EXOC1L: variants seen among roughly 807,000 people sequenced by gnomAD.
EXOC1L encodes exocyst complex component 1-like.
Under a neutral mutation model 4.9 loss-of-function variants are expected in EXOC1L, and 10 were observed. The ratio of observed to expected loss-of-function variants is 2.02; its 90% CI spans 1.25 to 3.43. The LOEUF is 3.43. Among genes scored for constraint, EXOC1L ranks in the 30% most tolerant of loss-of-function variants. The pLI is 0.00. For synonymous variants in EXOC1L, 41 were observed against 20.8 expected (o/e 1.97, Z -2.63); for missense variants, 114 against 59.4 (o/e 1.92, Z -3.02).
chr4:55,823,777 C>T (rs1459568578), intron 1 of EXOC1L, among the ~76,000 whole-genome samples: 1 of 151,886 alleles, frequency 6.6e-6, no homozygotes, highest in Non-Finnish European at 1.5e-5. Flanking sequence ...GTCACGATTT[C>T]GGCTCACTGC....
intron 1 of EXOC1L, among the ~76,000 whole-genome samples, chr4:55,820,388 A>T (rs1719709597): frequency 6.6e-6 from 1 of 152,188 alleles, no homozygotes; most frequent in South Asian, 2.1e-4. Context: ...AATGAAACTG[A>T]TGTGTCCTTC....
chr4:55,824,271 TCTCACACACA>T (rs1212757226), intron 1 of EXOC1L, among the ~76,000 whole-genome samples: 5 of 144,600 alleles, frequency 3.5e-5, no homozygotes, highest in Admixed American at 2.1e-4. Context: ...TCTCTCTCTC[TCTCACACACA>T]CACACACACA....
intron 2 of EXOC1L, among the ~76,000 whole-genome samples, chr4:55,834,477 C>G (rs1481910778): frequency 6.6e-6 from 1 of 151,908 alleles, no homozygotes; most frequent in Non-Finnish European, 1.5e-5. Context: ...GAGAAAGAGA[C>G]AGGCAGATTT....
chr4:55,820,064 T>C lies in EXOC1L; in HGVS notation c.38T>C (p.Leu13Pro), dbSNP rs1267156265. The C allele has an allele frequency of 1.0e-5, 4 of 398,976 alleles. No homozygotes were observed. The highest frequency in any genetic ancestry group is 1.8e-5 in the Non-Finnish European group (4 of 226,120). 24.7% of individuals were successfully genotyped at this position (398,976 alleles called of 1,614,324 possible). A position where few individuals can be genotyped will look rare whatever the true frequency, so the allele number is the denominator to read the frequency against. Reference sequence around the variant, plus strand: ...GTAAAGGAGGACTTGGAGAAGAAACTGTTTAAGCCACTCTCGCAGAATCTG... The same window carrying C: ...GTAAAGGAGGACTTGGAGAAGAAACCGTTTAAGCCACTCTCGCAGAATCTG... ...SLVKEDLEKK[L>P]FKPLSQNLYE... The change falls in exon 1 of 3, where the codon CTG (leucine) becomes CCG (proline). Residue 13 changes from leucine (L) to proline (P), a missense_variant. Transcript: ENST00000636125.
chr4:55,831,686 C>T (rs1452966123), intron 2 of EXOC1L, among the ~76,000 whole-genome samples: 1 of 152,010 alleles, frequency 6.6e-6, no homozygotes, highest in Admixed American at 6.6e-5. Flanking sequence ...AAGCACCTTT[C>T]CCAAGGGCCA....
intron 1 of EXOC1L, among the ~76,000 whole-genome samples, chr4:55,821,393 A>C (rs950879493): frequency 6.6e-6 from 1 of 152,138 alleles, no homozygotes; most frequent in Admixed American, 6.6e-5. Context: ...CTAGCCATCA[A>C]ATCACTGTGT....
intron 1 of EXOC1L, among the ~76,000 whole-genome samples, chr4:55,824,490 G>T (rs1237183299): frequency 6.6e-6 from 1 of 152,076 alleles, no homozygotes; most frequent in Non-Finnish European, 1.5e-5. Flanking sequence ...AGCCTCCTGA[G>T]TAGCTGGGAC....
Position 55,819,862 on chromosome 4 carries a change from C to G in EXOC1L, c.-165C>G, listed in dbSNP as rs1719694734. 1 of 376,926 alleles carries G rather than the reference C, an allele frequency of 2.7e-6. No homozygotes were observed. Among genetic ancestry groups the G allele is most frequent in the Non-Finnish European group, 4.7e-6 (1 of 213,130 alleles). The allele number at this position is 376,926 out of a possible 1,614,324, so 23.3% of individuals were successfully genotyped here. A position where few individuals can be genotyped will look rare whatever the true frequency, so the allele number is the denominator to read the frequency against. Reference sequence around the variant, plus strand: ...GGGGTCTGACCGCGCTGAGTGCTCTCGGGAATCTGGGCTCTGGCTAGGAAT... The same window carrying G: ...GGGGTCTGACCGCGCTGAGTGCTCTGGGGAATCTGGGCTCTGGCTAGGAAT... On this transcript the variant is annotated 5_prime_UTR_variant, in exon 1 of 3. Coordinates refer to ENST00000636125, the MANE Select transcript of EXOC1L (RefSeq NM_001351574.3).
chr4:55,833,040 T>C (rs1363300447), intron 2 of EXOC1L, among the ~76,000 whole-genome samples: 1 of 152,048 alleles, frequency 6.6e-6, no homozygotes, highest in Non-Finnish European at 1.5e-5. Context: ...AAAGTTGGTG[T>C]GTTTGACATG....
Position 55,837,337 on chromosome 4 carries a change from C to A in EXOC1L, c.505C>A (p.Pro169Thr). ...AFNLVCLSLC[P>T]LPL ...CAATCTTGTGTGCTTGTCCCTATGTCCCTTGCCACTCTGAAGCTGTGTACC... is the reference window on the plus strand; with the variant it reads ...CAATCTTGTGTGCTTGTCCCTATGTACCTTGCCACTCTGAAGCTGTGTACC... The change falls in exon 3 of 3, where the codon CCC becomes ACC. Residue 169 changes from proline (P) to threonine (T), a missense_variant. Physicochemically the swap from Pro to Thr is conservative, Grantham distance 38 (BLOSUM62 -1). Coordinates refer to ENST00000636125, the MANE Select transcript of EXOC1L (RefSeq NM_001351574.3). 1.6e-6 allele frequency: 1 copy of A among 607,150 alleles called. No homozygotes were observed. Among genetic ancestry groups the A allele is most frequent in the East Asian group, 2.8e-5 (1 of 35,260 alleles). 37.6% of individuals were successfully genotyped at this position (607,150 alleles called of 1,614,324 possible).
rs1240880994 is a variant in EXOC1L, at chr4:55,820,336, GA to G, written c.121+196del. On this transcript the variant is annotated intron_variant, in intron 1 of 2. Coordinates refer to ENST00000636125, the MANE Select transcript of EXOC1L (RefSeq NM_001351574.3). ...ATTTTTTAGAGTGTTAAAAATGAAA[GA>G]AAAAAACATTGTATTAGAATACTTT... Among the ~76,000 whole-genome samples the G allele has an allele frequency of 2.6e-5, 4 of 151,844 alleles. No individual in the cohort carries two copies. The East Asian group carries it at 7.7e-4, about 29-fold the overall frequency.
intron 1 of EXOC1L, among the ~76,000 whole-genome samples, chr4:55,828,881 C>T (rs1261875936): frequency 1.3e-5 from 2 of 150,670 alleles, no homozygotes; most frequent in Non-Finnish European, 2.9e-5. Context: ...AAACAAATGA[C>T]GACAACAAAA....
intron 2 of EXOC1L, among the ~76,000 whole-genome samples, chr4:55,835,227 A>G (rs1001728933): frequency 2.7e-5 from 4 of 150,716 alleles, no homozygotes; most frequent in African/African-American, 7.3e-5. Context: ...TATGTTATAT[A>G]TATTATTATT....
intron 2 of EXOC1L, among the ~76,000 whole-genome samples, chr4:55,835,470 C>G: frequency 6.6e-6 from 1 of 151,988 alleles, no homozygotes; most frequent in Non-Finnish European, 1.5e-5. Flanking sequence ...TACATTCCCA[C>G]CAGCAGTGTA....
chr4:55,821,874 C>CT (rs150592892), intron 1 of EXOC1L, among the ~76,000 whole-genome samples: 2,619 of 152,278 alleles, frequency 0.017, 59 homozygotes, highest in African/African-American at 0.054. Context: ...AATGTAACAC[C>CT]TTTTTATGGC....
At position 55,823,772 on chromosome 4, in the gene EXOC1L, G is replaced by A. The variant is rs558736507; in HGVS notation, c.121+3625G>A. Among the ~76,000 whole-genome samples, 9 of 152,176 alleles carry A rather than the reference G, an allele frequency of 5.9e-5. 1 individual carries two copies. Among genetic ancestry groups the A allele is most frequent in the African/African-American group, 2.2e-4 (9 of 41,540 alleles). On this transcript the variant is annotated intron_variant, in intron 1 of 2. Coordinates refer to ENST00000636125, the MANE Select transcript of EXOC1L (RefSeq NM_001351574.3). ...CACCCAGGCTGGAGTGCAGTGTCAC[G>A]ATTTCGGCTCACTGCAATCTCCGCC...
chr4:55,835,541 T>C (rs1386806387), intron 2 of EXOC1L, among the ~76,000 whole-genome samples: 1 of 152,076 alleles, frequency 6.6e-6, no homozygotes, highest in Non-Finnish European at 1.5e-5. Context: ...TTTTTGATTA[T>C]GATCATTCTT....
At chr4:55,824,271 T>TCACACACA (rs746113500) in intron 1 of EXOC1L, among the ~76,000 whole-genome samples, 5 of 144,712 alleles carry the variant, frequency 3.5e-5, no homozygotes, top group Non-Finnish European at 6.2e-5. Flanking sequence ...TCTCTCTCTC[T>TCACACACA]CTCACACACA....
intron 2 of EXOC1L, among the ~76,000 whole-genome samples, chr4:55,832,623 A>T (rs935953546): frequency 1.3e-5 from 2 of 151,992 alleles, no homozygotes; most frequent in Admixed American, 6.6e-5. Context: ...AGCTCCTTTC[A>T]TGTATATTTT....
Sources: gnomAD v4.1 joint callset for allele counts (sites outside exome capture counted in the v4.1 genomes callset) on GRCh38, gnomAD v4.1.1 for gene constraint, MANE v1.5 for transcripts, NCBI Gene and HGNC (gene_info 2026-07-23, HGNC 2026-07-21) for gene names.